The following TTC28 variants were observed in gnomAD, a reference collection of about 807,000 sequenced individuals.
The protein encoded by TTC28 is tetratricopeptide repeat protein 28.
Under a neutral mutation model 198.0 loss-of-function variants are expected in TTC28, and 61 were observed. The ratio of observed to expected loss-of-function variants is 0.31; its 90% CI spans 0.25 to 0.38. The LOEUF is 0.38. Among genes scored for constraint, TTC28 ranks in the 10% least tolerant of loss-of-function variants. TTC28 has a pLI of 1.00. For missense variants in TTC28, 2,678 were observed against 3,164.0 expected, an observed-to-expected ratio of 0.85 and a Z score of 3.69; for synonymous variants, 1,171 against 1,297.8, an observed-to-expected ratio of 0.90 and a Z score of 2.10.
chr22:28,245,299 A>C (rs1464513786), intron 5 of TTC28, among the ~76,000 whole-genome samples: 1 of 152,164 alleles, frequency 6.6e-6, no homozygotes, highest in East Asian at 1.9e-4. Context: ...CTAATATAAA[A>C]CCAAAATGCC....
At position 28,451,998 on chromosome 22, in the gene TTC28, CTGTGTGTA is replaced by C. The variant is rs894304548; in HGVS notation, c.382-145363_382-145356del. Among the ~76,000 whole-genome samples the C allele has an allele frequency of 5.8e-4, 88 of 152,092 alleles. 1 individual carries two copies. Among genetic ancestry groups the C allele is most frequent in the African/African-American group, 2.0e-3 (82 of 41,498 alleles). On this transcript the variant is annotated intron_variant, in intron 2 of 22. Transcript: ENST00000397906. ...AACCCTGATTATTCAGTGGTAGTGACTGTGTGTATGTGTGTATGTGTGTGTGTGTTTTA... is the reference window on the plus strand; with the variant it reads ...AACCCTGATTATTCAGTGGTAGTGACTGTGTGTATGTGTGTGTGTGTTTTA...
At chr22:28,412,390 G>A (rs191923368) in intron 2 of TTC28, among the ~76,000 whole-genome samples, 129 of 152,280 alleles carry the variant, frequency 8.5e-4, no homozygotes, top group Non-Finnish European at 1.6e-3. Context: ...TGGGAGAAGA[G>A]CTCATGATTC....
At chr22:28,419,113 G>A (rs561712868) in intron 2 of TTC28, among the ~76,000 whole-genome samples, 181 of 152,222 alleles carry the variant, frequency 1.2e-3, no homozygotes, top group African/African-American at 4.1e-3. Flanking sequence ...TCACTCTGAA[G>A]AACCTAAGAG....
In TTC28 at chr22:28,040,815, A is replaced by G. The variant is rs142135830; in HGVS notation, c.3933-10449T>C. ...CAAATTGTCTCTGTTTGCAGATGAC[A>G]TGATTGTATATTTAGAAAACCCCAT... On this transcript the variant is annotated intron_variant, in intron 12 of 22. Transcript: ENST00000397906. Among the ~76,000 whole-genome samples, 1,459 of 152,348 alleles carry G rather than the reference A, an allele frequency of 9.6e-3. 25 individuals carry two copies. Among genetic ancestry groups the G allele is most frequent in the African/African-American group, 0.033 (1,358 of 41,568 alleles).
chr22:27,991,675 T>C (rs946200811), intron 19 of TTC28, among the ~76,000 whole-genome samples: 4 of 152,226 alleles, frequency 2.6e-5, no homozygotes, highest in Admixed American at 6.5e-5. Context: ...AGCAACTCTG[T>C]GCTCTTCAAG....
chr22:28,060,990 ATG>A (rs1222159534), intron 12 of TTC28, among the ~76,000 whole-genome samples: 18 of 152,152 alleles, frequency 1.2e-4, no homozygotes, highest in African/African-American at 4.3e-4. Flanking sequence ...GCATTTTTTC[ATG>A]TGTCTGTTGG....
intron 2 of TTC28, among the ~76,000 whole-genome samples, chr22:28,385,595 T>C (rs985230808): frequency 6.6e-6 from 1 of 151,838 alleles, no homozygotes; most frequent in Non-Finnish European, 1.5e-5. Flanking sequence ...ATATATAATT[T>C]TATTAATAGT....
chr22:28,444,389 TA>T (rs2047671950), intron 2 of TTC28, among the ~76,000 whole-genome samples: 2 of 152,204 alleles, frequency 1.3e-5, no homozygotes. Flanking sequence ...TATATCAGTA[TA>T]AGTAAGTCAT....
In TTC28 at chr22:28,093,659, T is replaced by C. The variant is rs112499865; in HGVS notation, c.3932+421A>G. On this transcript the variant is annotated intron_variant, in intron 12 of 22. Coordinates refer to ENST00000397906, the MANE Select transcript of TTC28 (RefSeq NM_001145418.2). The stretch of plus-strand genomic sequence containing the variant: ...ACCTCACCCCTCAGGCTCACAGATC[T>C]GTGCACATATCCTGTCACTGGTACT... Among the ~76,000 whole-genome samples the C allele has an allele frequency of 9.7e-3, 1,474 of 152,328 alleles. 17 individuals carry two copies. Among genetic ancestry groups the C allele is most frequent in the Non-Finnish European group, 0.012 (802 of 68,030 alleles).
intron 5 of TTC28, among the ~76,000 whole-genome samples, chr22:28,178,301 C>A (rs375691058): frequency 1.0e-3 from 138 of 137,126 alleles, no homozygotes; most frequent in Middle Eastern, 3.9e-3. Flanking sequence ...CTAATAAATA[C>A]AAAAAAAAAA....
chr22:28,566,981 C>T (rs1377729452), intron 2 of TTC28, among the ~76,000 whole-genome samples: 1 of 151,974 alleles, frequency 6.6e-6, no homozygotes, highest in Admixed American at 6.6e-5. Context: ...CTTTGGGAGG[C>T]CAAGGCTGGC....
At chr22:28,237,692 C>T (rs1163167913) in intron 5 of TTC28, among the ~76,000 whole-genome samples, 1 of 152,132 alleles carries the variant, frequency 6.6e-6, no homozygotes, top group Non-Finnish European at 1.5e-5. Context: ...TATTTATCTA[C>T]ATATTTAAAT....
At chr22:28,285,878 A>T (rs2044674946) in intron 5 of TTC28, among the ~76,000 whole-genome samples, 1 of 152,148 alleles carries the variant, frequency 6.6e-6, no homozygotes. Flanking sequence ...CAACAACAAA[A>T]CCCAAAAAAC....
chr22:28,039,526 G>C (rs1421306762), intron 12 of TTC28, among the ~76,000 whole-genome samples: 1 of 151,592 alleles, frequency 6.6e-6, no homozygotes, highest in African/African-American at 2.4e-5. Flanking sequence ...GTTGTTGGGT[G>C]GGGGGAGGTG....
At chr22:28,261,707 A>G (rs1407045816) in intron 5 of TTC28, among the ~76,000 whole-genome samples, 2 of 152,194 alleles carry the variant, frequency 1.3e-5, no homozygotes, top group Admixed American at 1.3e-4. Context: ...GAGGTCCTGC[A>G]GAAAGAAGTC....
intron 2 of TTC28, among the ~76,000 whole-genome samples, chr22:28,422,678 C>T (rs980032485): frequency 1.3e-5 from 2 of 152,052 alleles, no homozygotes; most frequent in African/African-American, 2.4e-5. Context: ...ATCTCCCGAC[C>T]TCACGATTCA....
At chr22:28,059,628 T>A (rs985846230) in intron 12 of TTC28, among the ~76,000 whole-genome samples, 2 of 152,042 alleles carry the variant, frequency 1.3e-5, no homozygotes, top group Admixed American at 6.6e-5. Context: ...CTATTATTTA[T>A]CAATACAGAG....
At chr22:28,373,325 G>A (rs2046364659) in intron 2 of TTC28, among the ~76,000 whole-genome samples, 1 of 151,552 alleles carries the variant, frequency 6.6e-6, no homozygotes, top group Admixed American at 6.6e-5. Flanking sequence ...CCCTTCATAT[G>A]GTACACAAAA....
chr22:28,236,965 C>T (rs530581219), intron 5 of TTC28, among the ~76,000 whole-genome samples: 1 of 152,270 alleles, frequency 6.6e-6, no homozygotes, highest in African/African-American at 2.4e-5. Flanking sequence ...CCTATAATGG[C>T]CTCTCCCAAA....
Sources: gnomAD v4.1 joint callset for allele counts (sites outside exome capture counted in the v4.1 genomes callset) on GRCh38, gnomAD v4.1.1 for gene constraint, MANE v1.5 for transcripts, NCBI Gene and HGNC (gene_info 2026-07-23, HGNC 2026-07-21) for gene names.